Variants in UQCC1 observed in about 807,000 individuals in gnomAD.
UQCC1 encodes the protein ubiquinol-cytochrome c reductase complex assembly factor 1.
UQCC1 carries 38 observed loss-of-function variants against 48.0 expected under a neutral mutation model. That is an observed-to-expected ratio of 0.79 (90% CI 0.61 to 1.04). The LOEUF is 1.04. UQCC1 is among the 50% of genes least tolerant of loss of function. The probability of loss-of-function intolerance (pLI) is 0.00; values close to 1 mark genes in which losing one functional copy is unlikely to be tolerated. For synonymous variants in UQCC1, 111 were observed against 129.2 expected (o/e 0.86, Z 0.95); for missense variants, 368 against 381.8 (o/e 0.96, Z 0.30).
chr20:35,366,862 G>A (rs966342184), intron 5 of UQCC1, among the ~76,000 whole-genome samples: 3 of 152,070 alleles, frequency 2.0e-5, no homozygotes, highest in African/African-American at 7.2e-5. Flanking sequence ...GGGAGGCCGA[G>A]GTGGGCAGAT....
At chr20:35,402,147 A>C (rs563730344) in intron 1 of UQCC1, among the ~76,000 whole-genome samples, 3 of 152,186 alleles carry the variant, frequency 2.0e-5, no homozygotes, top group Non-Finnish European at 4.4e-5. Flanking sequence ...TTCCTTCAAA[A>C]ATTACTGAAT....
At chr20:35,407,312 C>A (rs1226607145) in intron 1 of UQCC1, among the ~76,000 whole-genome samples, 1 of 151,828 alleles carries the variant, frequency 6.6e-6, no homozygotes, top group Non-Finnish European at 1.5e-5. Flanking sequence ...ACTGTAATCC[C>A]AGCTACTTGG....
chr20:35,307,129 C>T, intron 8 of UQCC1: 2 of 366,996 alleles, frequency 5.4e-6, no homozygotes, highest in Non-Finnish European at 1.0e-5. Context: ...GCTCCCCCTG[C>T]TGTCCATAGC....
chr20:35,382,067 A>C (rs1031162872), intron 3 of UQCC1, 42 bp from the exon 4 acceptor site: 1 of 1,303,212 alleles, frequency 7.7e-7, no homozygotes, highest in South Asian at 1.3e-5. Context: ...AGTTGCAAAA[A>C]ATTTTTAATA....
chr20:35,363,182 C>A (rs1251879448), intron 6 of UQCC1, among the ~76,000 whole-genome samples: 1 of 152,012 alleles, frequency 6.6e-6, no homozygotes, highest in Admixed American at 6.6e-5. Context: ...GGGTCAGAGT[C>A]AAAAAAATTT....
chr20:35,306,491 G>C, intron 9 of UQCC1, 175 bp downstream of exon 9: 1 of 589,236 alleles, frequency 1.7e-6, no homozygotes, highest in Non-Finnish European at 3.0e-6. Context: ...CCCTGGCCCA[G>C]TTCATGGTTG....
chr20:35,326,108 A>G (rs1283613105), intron 7 of UQCC1, among the ~76,000 whole-genome samples: 1 of 152,228 alleles, frequency 6.6e-6, no homozygotes, highest in East Asian at 1.9e-4. Flanking sequence ...GGAAAACCAG[A>G]GGAGGCTGCT....
chr20:35,329,778 T>C (rs2061236892), intron 7 of UQCC1, among the ~76,000 whole-genome samples: 1 of 152,192 alleles, frequency 6.6e-6, no homozygotes, highest in Non-Finnish European at 1.5e-5. Flanking sequence ...GAAAAGAGTC[T>C]TGTGGTAGGA....
chr20:35,307,059 C>T (rs886335267), intron 8 of UQCC1: 6 of 471,272 alleles, frequency 1.3e-5, no homozygotes, highest in South Asian at 4.1e-5. Context: ...GGCAGTACTC[C>T]GTACTGCGCC....
Position 35,368,654 on chromosome 20 carries a change from G to A in UQCC1, c.407-2040C>T, listed in dbSNP as rs986671753. On this transcript the variant is annotated intron_variant, in intron 5 of 9. Transcript: ENST00000374385. ...GGGAAGCATTATAATCCTCATTTTA[G>A]AGATGAGGAAACAGACTCAAACTAA... is the stretch of plus-strand genomic sequence containing the variant. Among the ~76,000 whole-genome samples, 28 of 152,264 alleles carry A rather than the reference G, an allele frequency of 1.8e-4. 1 individual carries two copies. The highest frequency in any genetic ancestry group is 6.5e-4 in the African/African-American group (27 of 41,558).
intron 5 of UQCC1, 102 bp from the exon 6 acceptor site, chr20:35,366,716 T>A: frequency 1.0e-6 from 1 of 1,000,106 alleles, no homozygotes. Flanking sequence ...GCTCTCTGAT[T>A]ATGCTATTGC....
At chr20:35,358,286 A>C (rs1450444192) in intron 6 of UQCC1, among the ~76,000 whole-genome samples, 2 of 141,950 alleles carry the variant, frequency 1.4e-5, no homozygotes, top group Non-Finnish European at 3.0e-5. Context: ...CTTGGGAGGC[A>C]GAGGTAGCAG....
chr20:35,366,657 G>A (rs2061669948), intron 5 of UQCC1, 43 bp from the exon 6 acceptor site: 2 of 1,514,538 alleles, frequency 1.3e-6, no homozygotes, highest in Admixed American at 3.4e-5. Flanking sequence ...GGGTTTAAAG[G>A]AAGCATATTG....
intron 6 of UQCC1, among the ~76,000 whole-genome samples, chr20:35,362,329 C>G (rs1279712403): frequency 6.6e-6 from 1 of 152,116 alleles, no homozygotes; most frequent in African/African-American, 2.4e-5. Context: ...CACATTTGAT[C>G]AGATGTGAAT....
At chr20:35,358,011 G>A (rs780937045) in intron 6 of UQCC1, among the ~76,000 whole-genome samples, 3 of 152,102 alleles carry the variant, frequency 2.0e-5, no homozygotes, top group Non-Finnish European at 4.4e-5. Context: ...GGGGCATTAT[G>A]GAGGGGATAA....
At chr20:35,354,416 A>T (rs149016058) in intron 6 of UQCC1, among the ~76,000 whole-genome samples, 2,701 of 149,734 alleles carry the variant, frequency 0.018, 84 homozygotes, top group African/African-American at 0.064. Context: ...TTTTGTTTTG[A>T]GACAGAGTCT....
At chr20:35,312,609 G>A (rs936156764) in intron 8 of UQCC1, among the ~76,000 whole-genome samples, 11 of 152,116 alleles carry the variant, frequency 7.2e-5, no homozygotes, top group Non-Finnish European at 1.6e-4. Context: ...TTCCCAGGAG[G>A]GGTCATGCTT....
intron 7 of UQCC1, among the ~76,000 whole-genome samples, chr20:35,327,235 TG>T (rs1461128199): frequency 6.6e-6 from 1 of 152,208 alleles, no homozygotes; most frequent in Non-Finnish European, 1.5e-5. Context: ...CTGGGCACAA[TG>T]GGTCAGACCA....
intron 7 of UQCC1, among the ~76,000 whole-genome samples, chr20:35,333,385 C>T (rs538866688): frequency 2.6e-5 from 4 of 152,034 alleles, no homozygotes; most frequent in Non-Finnish European, 5.9e-5. Flanking sequence ...CTGTGGGGGG[C>T]GGGAGAAGAA....
Sources: gnomAD v4.1 joint callset for allele counts (sites outside exome capture counted in the v4.1 genomes callset) on GRCh38, gnomAD v4.1.1 for gene constraint, MANE v1.5 for transcripts, NCBI Gene and HGNC (gene_info 2026-07-23, HGNC 2026-07-21) for gene names.